The following UBL3 variants were observed in gnomAD, a reference collection of about 807,000 sequenced individuals.
UBL3 encodes the protein ubiquitin-like protein 3.
UBL3 carries 6 observed loss-of-function variants against 18.4 expected under a neutral mutation model. The ratio of observed to expected loss-of-function variants is 0.33; its 90% CI spans 0.18 to 0.64. The LOEUF (loss-of-function observed/expected upper bound fraction) is 0.64. Among genes scored for constraint, UBL3 ranks in the 30% least tolerant of loss-of-function variants. The pLI is 0.76. For synonymous variants in UBL3, 49 were observed against 46.6 expected (o/e 1.05, Z -0.21); for missense variants, 109 against 142.9 (o/e 0.76, Z 1.21).
chr13:29,772,055 A>G lies in UBL3; in HGVS notation c.223+57T>C, dbSNP rs899789088. 14 of 1,431,794 alleles carry G rather than the reference A, an allele frequency of 9.8e-6. No individual in the cohort carries two copies. The African/African-American group carries it at 1.6e-4, about 16-fold the overall frequency. 88.7% of individuals were successfully genotyped at this position (1,431,794 alleles called of 1,614,324 possible). ...TTCAAAGACATTAACATTTAAAACA[A>G]GCGAATCATGCTACCATGAGACAGA... On this transcript the variant is annotated intron_variant, in intron 3 of 4. Coordinates refer to ENST00000380680, the MANE Select transcript of UBL3 (RefSeq NM_007106.4).
chr13:29,777,859 C>A (rs1256319125), intron 1 of UBL3, among the ~76,000 whole-genome samples: 3 of 152,072 alleles, frequency 2.0e-5, no homozygotes, highest in Non-Finnish European at 4.4e-5. Flanking sequence ...CTCGGCCTCC[C>A]AAGCTCAATC....
intron 3 of UBL3, among the ~76,000 whole-genome samples, chr13:29,770,532 A>G (rs541030495): frequency 4.6e-5 from 7 of 152,216 alleles, no homozygotes; most frequent in African/African-American, 1.7e-4. Flanking sequence ...CTCTGAGGTC[A>G]CAACAGAAAA....
chr13:29,827,647 T>C (rs961475394), intron 1 of UBL3, among the ~76,000 whole-genome samples: 3 of 152,218 alleles, frequency 2.0e-5, no homozygotes, highest in Admixed American at 6.5e-5. Context: ...TGCCAGTCTG[T>C]GTCTTTTAAT....
intron 1 of UBL3, among the ~76,000 whole-genome samples, chr13:29,837,546 G>A (rs1878989143): frequency 6.6e-6 from 1 of 152,106 alleles, no homozygotes; most frequent in Non-Finnish European, 1.5e-5. Flanking sequence ...AAGGAAAGAA[G>A]ACAATTGAAT....
chr13:29,769,788 A>G lies in UBL3; in HGVS notation c.224-2093T>C, dbSNP rs1876790761. ...TTTTAAAAAGGGGGGATTCAGGGCT[A>G]TGTTTTAAGACATTTGATAACCAAA... On this transcript the variant is annotated intron_variant, in intron 3 of 4. Coordinates refer to ENST00000380680, the MANE Select transcript of UBL3 (RefSeq NM_007106.4). 2.0e-5 allele frequency among the ~76,000 whole-genome samples: 3 copies of G among 152,112 alleles called. No individual in the cohort carries two copies. The South Asian group carries it at 6.2e-4, about 31-fold the overall frequency.
At chr13:29,835,122 ATAAATATATATATATATATATATAT>A (rs1878905554) in intron 1 of UBL3, among the ~76,000 whole-genome samples, 1 of 36,778 alleles carries the variant, frequency 2.7e-5, no homozygotes, top group Non-Finnish European at 4.1e-5. Context: ...ATATATATAT[ATAAATATATATATATATATATATAT>A]ATATATATAT....
intron 1 of UBL3, among the ~76,000 whole-genome samples, chr13:29,839,021 T>C (rs1879027388): frequency 6.6e-6 from 1 of 152,228 alleles, no homozygotes; most frequent in South Asian, 2.1e-4. Context: ...CATAAATTTA[T>C]TTGTAGCTAA....
chr13:29,813,356 G>A (rs1878163771), intron 1 of UBL3, among the ~76,000 whole-genome samples: 1 of 151,906 alleles, frequency 6.6e-6, no homozygotes, highest in African/African-American at 2.4e-5. Flanking sequence ...CTTCTTGAAA[G>A]TCATAAATCT....
At chr13:29,834,003 T>C (rs150770266) in intron 1 of UBL3, among the ~76,000 whole-genome samples, 1 of 152,100 alleles carries the variant, frequency 6.6e-6, no homozygotes, top group African/African-American at 2.4e-5. Flanking sequence ...CTGGCCAACA[T>C]GGTGAAACCC....
chr13:29,829,575 G>A (rs536351760), intron 1 of UBL3, among the ~76,000 whole-genome samples: 1 of 152,158 alleles, frequency 6.6e-6, no homozygotes, highest in African/African-American at 2.4e-5. Context: ...CAATTTCCCA[G>A]GTGCCATCTG....
intron 1 of UBL3, among the ~76,000 whole-genome samples, chr13:29,830,792 T>G (rs931224738): frequency 4.5e-4 from 68 of 152,306 alleles, no homozygotes; most frequent in African/African-American, 1.6e-3. Context: ...AAAATGACTT[T>G]CAAAAAAATG....
chr13:29,796,985 A>T (rs902880213), intron 1 of UBL3, among the ~76,000 whole-genome samples: 5 of 152,242 alleles, frequency 3.3e-5, no homozygotes, highest in African/African-American at 1.2e-4. Context: ...TATAAAGAGA[A>T]CATAGTCTAA....
chr13:29,802,720 C>A (rs1298862173), intron 1 of UBL3, among the ~76,000 whole-genome samples: 1 of 152,062 alleles, frequency 6.6e-6, no homozygotes, highest in Non-Finnish European at 1.5e-5. Context: ...AGCCTGAGGA[C>A]TGGTTTGCTG....
chr13:29,776,849 G>T (rs945310922), intron 2 of UBL3, among the ~76,000 whole-genome samples: 7 of 112,256 alleles, frequency 6.2e-5, no homozygotes, highest in African/African-American at 2.1e-4. Flanking sequence ...CCAGCCTGGC[G>T]ACATAGCGAG....
At chr13:29,835,536 C>A (rs1169092432) in intron 1 of UBL3, among the ~76,000 whole-genome samples, 1 of 151,626 alleles carries the variant, frequency 6.6e-6, no homozygotes, top group East Asian at 2.0e-4. Flanking sequence ...GCAGCTGGAT[C>A]ATGAGGTCAA....
At chr13:29,818,521 AATC>A (rs1234707883) in intron 1 of UBL3, among the ~76,000 whole-genome samples, 1 of 152,214 alleles carries the variant, frequency 6.6e-6, no homozygotes, top group African/African-American at 2.4e-5. Flanking sequence ...AAGGCCAATC[AATC>A]ACCTGACAAA....
At chr13:29,816,580 G>C (rs1016175959) in intron 1 of UBL3, among the ~76,000 whole-genome samples, 1 of 151,538 alleles carries the variant, frequency 6.6e-6, no homozygotes, top group African/African-American at 2.4e-5. Flanking sequence ...GCAACATGGT[G>C]AGATTTTGTA....
chr13:29,828,315 C>G (rs1434608086), intron 1 of UBL3, among the ~76,000 whole-genome samples: 1 of 152,208 alleles, frequency 6.6e-6, no homozygotes, highest in Non-Finnish European at 1.5e-5. Flanking sequence ...TTCAGGTACA[C>G]CAATCAGATG....
intron 1 of UBL3, among the ~76,000 whole-genome samples, chr13:29,829,465 C>T (rs1263969831): frequency 6.6e-6 from 1 of 152,224 alleles, no homozygotes; most frequent in Non-Finnish European, 1.5e-5. Flanking sequence ...AGCAAGGCTC[C>T]GTGGGCGTGG....
Sources: allele counts gnomAD v4.1 joint callset (sites outside exome capture counted in the v4.1 genomes callset), GRCh38; gene constraint gnomAD v4.1.1; transcripts MANE v1.5; gene names NCBI Gene and HGNC (gene_info 2026-07-23, HGNC 2026-07-21).